CNOT6L: variants seen among roughly 807,000 people sequenced by gnomAD.
CNOT6L encodes CCR4-NOT transcription complex subunit 6 like.
A neutral mutation model predicts 64.0 loss-of-function variants in CNOT6L; 7 were observed. The observed-to-expected ratio is 0.11, with a 90% CI of 0.06 to 0.21. The LOEUF (loss-of-function observed/expected upper bound fraction) is 0.21. Among genes scored for constraint, CNOT6L ranks in the 10% least tolerant of loss-of-function variants. The pLI, the probability that CNOT6L is intolerant of heterozygous loss-of-function variation, is 1.00. For missense variants in CNOT6L, 245 were observed against 669.0 expected, an observed-to-expected ratio of 0.37 and a Z score of 6.99; for synonymous variants, 193 against 243.4, an observed-to-expected ratio of 0.79 and a Z score of 1.93.
chr4:77,728,709 C>T (rs1489494253), intron 10 of CNOT6L, 145 bp downstream of exon 10: 1 of 659,568 alleles, frequency 1.5e-6, no homozygotes, highest in African/African-American at 1.8e-5. Flanking sequence ...CTTTATTAAA[C>T]TCTCTTCTAT....
intron 8 of CNOT6L, among the ~76,000 whole-genome samples, chr4:77,736,346 TA>T (rs1170915864): frequency 6.6e-6 from 1 of 152,230 alleles, no homozygotes; most frequent in African/African-American, 2.4e-5. Flanking sequence ...ATTCTGTTTT[TA>T]AAAGAATGAG....
At chr4:77,789,098 G>A (rs1025887360) in intron 1 of CNOT6L, among the ~76,000 whole-genome samples, 5 of 152,154 alleles carry the variant, frequency 3.3e-5, no homozygotes, top group African/African-American at 7.2e-5. Flanking sequence ...ATGCTTGAAT[G>A]GGATGGACTT....
In CNOT6L at chr4:77,728,873, A is replaced by G. The variant is rs1270118575; in HGVS notation, c.1233T>C (p.Leu411=). The change falls in exon 10 of 12, where the codon CTT becomes CTC. Residue 411 remains leucine, a synonymous_variant. Transcript: ENST00000504123. ...AAATACCTGAATCTGGCAATGAGTT[A>G]AGATCTGCACATAGCACCAGCGGGA... The part of the protein sequence containing the change: ...NSIPLVLCAD[L]NSLPDSGVVE... 5.0e-6 allele frequency: 8 copies of G among 1,612,930 alleles called. No homozygotes were observed. In the East Asian group the frequency reaches 1.8e-4, roughly 36 times the overall value.
rs201278913 is a variant in CNOT6L at position 77,727,775 on chromosome 4, AAG to A, written c.1252+1077_1252+1078del. Among the ~76,000 whole-genome samples the A allele has an allele frequency of 5.3e-3, 806 of 152,262 alleles. 6 individuals carry two copies. Among genetic ancestry groups the A allele is most frequent in the African/African-American group, 0.018 (759 of 41,538 alleles). On this transcript the variant is annotated intron_variant, in intron 10 of 11. Coordinates refer to ENST00000504123, the MANE Select transcript of CNOT6L (RefSeq NM_144571.3). ...CTTGCACTTGAGAGTAATTCAACTT[AAG>A]AAAGGATTAAGAAAGGAGCATGTGG... is the stretch of plus-strand genomic sequence containing the variant.
chr4:77,741,458 A>G (rs1182883495), intron 8 of CNOT6L, among the ~76,000 whole-genome samples: 1 of 152,192 alleles, frequency 6.6e-6, no homozygotes, highest in East Asian at 1.9e-4. Context: ...TTCAACCTCT[A>G]TCAGATGTCA....
At chr4:77,723,320 A>C (rs950018703) in intron 11 of CNOT6L, among the ~76,000 whole-genome samples, 3 of 152,216 alleles carry the variant, frequency 2.0e-5, no homozygotes, top group Non-Finnish European at 4.4e-5. Flanking sequence ...CTACATTTCT[A>C]GCTTGTTCAA....
In CNOT6L at chr4:77,773,138, G is replaced by T; in HGVS notation, c.343C>A (p.Arg115=). ...RELLLNNNLL[R]VLPYELGRLF... ...CGACCAAGTTCATAAGGCAAAACCC[G>T]TAACAGATTGTTATTTAAAAGCAAT... Residue 115 remains arginine (R), a synonymous_variant, in exon 4 of 12, where the codon CGG becomes AGG. Transcript: ENST00000504123. 1 of 1,582,786 alleles carries T rather than the reference G, an allele frequency of 6.3e-7. No homozygotes were observed.
At chr4:77,754,831 G>C (rs1199527102) in intron 5 of CNOT6L, among the ~76,000 whole-genome samples, 1 of 98,844 alleles carries the variant, frequency 1.0e-5, no homozygotes, top group Non-Finnish European at 2.0e-5. Flanking sequence ...AAATGGCTCA[G>C]AGTCAATATA....
At chr4:77,741,705 G>A (rs1723614045) in intron 8 of CNOT6L, among the ~76,000 whole-genome samples, 2 of 152,096 alleles carry the variant, frequency 1.3e-5, no homozygotes, top group African/African-American at 4.8e-5. Flanking sequence ...TTATCACAAA[G>A]CAAATGCTCA....
At chr4:77,727,510 C>T (rs1244879859) in intron 10 of CNOT6L, among the ~76,000 whole-genome samples, 2 of 130,704 alleles carry the variant, frequency 1.5e-5, no homozygotes, top group Non-Finnish European at 3.1e-5. Context: ...AGGTTGCAGT[C>T]AAGACTGCAC....
At chr4:77,738,238 C>T (rs142363597) in intron 8 of CNOT6L, among the ~76,000 whole-genome samples, 1 of 152,254 alleles carries the variant, frequency 6.6e-6, no homozygotes, top group Non-Finnish European at 1.5e-5. Context: ...TTCTAAATTG[C>T]TGTTTTCATC....
At chr4:77,779,878 G>C (rs1407029877) in intron 1 of CNOT6L, among the ~76,000 whole-genome samples, 1 of 152,108 alleles carries the variant, frequency 6.6e-6, no homozygotes, top group Non-Finnish European at 1.5e-5. Context: ...GCAGGAGAAT[G>C]GCATGAACCC....
chr4:77,773,150 T>A lies in CNOT6L; in HGVS notation c.331A>T (p.Asn111Tyr). The change falls in exon 4 of 12, where the codon AAC becomes TAC. Residue 111 changes from asparagine to tyrosine, a missense_variant. Physicochemically the swap from Asn to Tyr is moderately radical, Grantham distance 143. Transcript: ENST00000504123. ...MVSLRELLLN[N>Y]NLLRVLPYEL... ...TAAGGCAAAACCCGTAACAGATTGT[T>A]ATTTAAAAGCAATTCCCTGTTTTAA... 3.8e-6 allele frequency: 6 copies of A among 1,584,216 alleles called. No individual in the cohort carries two copies. Among genetic ancestry groups the A allele is most frequent in the Non-Finnish European group, 5.1e-6 (6 of 1,170,800 alleles).
Position 77,718,519 on chromosome 4 carries a change from A to AAGAT in CNOT6L, c.*1908_*1911dup, listed in dbSNP as rs1292766605. ...TATCCTGGTACTTTAACATTTTTAAAAGATATTTTATTTACATCAAAATTC... is the reference window on the plus strand; with the variant it reads ...TATCCTGGTACTTTAACATTTTTAAAAGATAGATATTTTATTTACATCAAAATTC... On this transcript the variant is annotated 3_prime_UTR_variant, in exon 12 of 12. Transcript: ENST00000504123. The AAGAT allele has an allele frequency of 6.6e-6, 1 of 152,600 alleles. No individual in the cohort carries two copies. The highest frequency in any genetic ancestry group is 1.9e-4 in the East Asian group (1 of 5,206). 9.5% of individuals were successfully genotyped at this position (152,600 alleles called of 1,614,324 possible). A position where few individuals can be genotyped will look rare whatever the true frequency, so the allele number is the denominator to read the frequency against.
At chr4:77,767,739 G>A (rs1298517589) in intron 4 of CNOT6L, among the ~76,000 whole-genome samples, 1 of 107,446 alleles carries the variant, frequency 9.3e-6, no homozygotes, top group Admixed American at 9.8e-5. Context: ...AACACTTTGG[G>A]AGGCTGAGGC....
In CNOT6L at chr4:77,776,409, AGG is replaced by A. The variant is rs1292507430; in HGVS notation, c.6-19_6-18del. ...CCTATTAGTCTGTTTAAAAAAAAAAAGGAGGAGATCAATAATTATTATAGTCT... is the reference window on the plus strand; with the variant it reads ...CCTATTAGTCTGTTTAAAAAAAAAAAAGGAGATCAATAATTATTATAGTCT... On this transcript the variant is annotated intron_variant, in intron 1 of 11. Transcript: ENST00000504123. 64 of 1,530,358 alleles carry A rather than the reference AGG, an allele frequency of 4.2e-5. No individual in the cohort carries two copies. Among genetic ancestry groups the A allele is most frequent in the African/African-American group, 8.5e-5 (6 of 70,320 alleles). The allele number at this position is 1,530,358 out of a possible 1,614,324, so 94.8% of individuals were successfully genotyped here.
At chr4:77,743,987 T>TA (rs1255846763) in intron 7 of CNOT6L, among the ~76,000 whole-genome samples, 1 of 152,158 alleles carries the variant, frequency 6.6e-6, no homozygotes, top group African/African-American at 2.4e-5. Flanking sequence ...TTTGATCATT[T>TA]AAAAAAATAT....
At chr4:77,756,306 G>A (rs2109999000) in intron 5 of CNOT6L, among the ~76,000 whole-genome samples, 1 of 152,256 alleles carries the variant, frequency 6.6e-6, no homozygotes, top group Non-Finnish European at 1.5e-5. Context: ...TATTCTTATA[G>A]AAGAAAACTT....
intron 5 of CNOT6L, among the ~76,000 whole-genome samples, chr4:77,756,144 T>A (rs898320350): frequency 4.6e-5 from 7 of 152,030 alleles, no homozygotes; most frequent in Non-Finnish European, 8.8e-5. Flanking sequence ...CCACCACGCC[T>A]GGCTAATTTT....
Sources: allele counts gnomAD v4.1 joint callset (sites outside exome capture counted in the v4.1 genomes callset), GRCh38; gene constraint gnomAD v4.1.1; transcripts MANE v1.5; gene names NCBI Gene and HGNC (gene_info 2026-07-23, HGNC 2026-07-21).